KLHL22: variants seen among roughly 807,000 people sequenced by gnomAD.
KLHL22 encodes the protein kelch-like protein 22.
KLHL22 carries 18 observed loss-of-function variants against 60.7 expected under a neutral mutation model. The observed-to-expected ratio is 0.30, with a 90% CI of 0.20 to 0.44. KLHL22 has a LOEUF of 0.44. KLHL22 is among the 20% of genes least tolerant of loss of function. The pLI is 1.00. For missense variants in KLHL22, 596 were observed against 852.3 expected (o/e 0.70, Z 3.74); for synonymous variants, 355 against 354.5 (o/e 1.00, Z -0.01).
chr22:20,486,390 C>A (rs2053587543), intron 2 of KLHL22, among the ~76,000 whole-genome samples: 1 of 152,020 alleles, frequency 6.6e-6, no homozygotes, highest in South Asian at 2.1e-4. Context: ...GCAAGTAGCT[C>A]CATTGGATAA....
chr22:20,454,835 CT>C (rs2053037498), intron 5 of KLHL22, among the ~76,000 whole-genome samples: 1 of 152,104 alleles, frequency 6.6e-6, no homozygotes, highest in East Asian at 1.9e-4. Context: ...CTTTCATCGG[CT>C]TTTTGTAATA....
Position 20,492,925 on chromosome 22 carries a change from C to A in KLHL22, c.-34+2835G>T, listed in dbSNP as rs9623861. Among the ~76,000 whole-genome samples, 562 of 152,272 alleles carry A rather than the reference C, an allele frequency of 3.7e-3. 5 individuals carry two copies. Among genetic ancestry groups the A allele is most frequent in the African/African-American group, 0.013 (543 of 41,552 alleles). On this transcript the variant is annotated intron_variant, in intron 1 of 6. Transcript: ENST00000328879. Reference sequence around the variant, plus strand: ...CCTATTTACCCACGACAAGGAGATTCCGGCTTCTTGAGGGGTGAGGTTTTA... The same window carrying A: ...CCTATTTACCCACGACAAGGAGATTACGGCTTCTTGAGGGGTGAGGTTTTA...
intron 5 of KLHL22, among the ~76,000 whole-genome samples, chr22:20,448,552 C>A (rs78697434): frequency 2.0e-5 from 3 of 152,140 alleles, no homozygotes; most frequent in Admixed American, 6.5e-5. Context: ...TATTAACATT[C>A]ATGTACAGAT....
chr22:20,477,973 G>A (rs1441942122), intron 2 of KLHL22, among the ~76,000 whole-genome samples: 1 of 152,086 alleles, frequency 6.6e-6, no homozygotes, highest in Non-Finnish European at 1.5e-5. Flanking sequence ...AGTTGTTAGA[G>A]ATAAATTGTC....
chr22:20,442,037 C>T lies in KLHL22; in HGVS notation c.*36G>A. 2 of 1,490,238 alleles carry T rather than the reference C, an allele frequency of 1.3e-6. No individual in the cohort carries two copies. The highest frequency in any genetic ancestry group is 2.4e-5 in the East Asian group (1 of 41,670). 92.3% of individuals were successfully genotyped at this position (1,490,238 alleles called of 1,614,324 possible). A position where few individuals can be genotyped will look rare whatever the true frequency, so the allele number is the denominator to read the frequency against. ...CGTGGGTTTCACTGCCCTGCAGCCC[C>T]AGCCTCCCTTCCCTCTGATGCCAGG... On this transcript the variant is annotated 3_prime_UTR_variant, in exon 7 of 7. Coordinates refer to ENST00000328879, the MANE Select transcript of KLHL22 (RefSeq NM_032775.4).
chr22:20,478,985 T>C (rs2053456947), intron 2 of KLHL22, among the ~76,000 whole-genome samples: 2 of 151,584 alleles, frequency 1.3e-5, no homozygotes, highest in South Asian at 4.2e-4. Context: ...AAAAATTAGC[T>C]GGGTGTGGTG....
chr22:20,472,005 G>A (rs2053334235), intron 2 of KLHL22, among the ~76,000 whole-genome samples: 1 of 152,244 alleles, frequency 6.6e-6, no homozygotes, highest in Non-Finnish European at 1.5e-5. Flanking sequence ...CCAGCACTTT[G>A]GGAGGCCAAG....
chr22:20,446,231 C>T (rs558907622), intron 6 of KLHL22, among the ~76,000 whole-genome samples: 21 of 152,142 alleles, frequency 1.4e-4, no homozygotes, highest in South Asian at 6.2e-4. Context: ...CCCTCTGGAG[C>T]GAGAGGTCTG....
chr22:20,494,859 G>C (rs574484059), intron 1 of KLHL22, among the ~76,000 whole-genome samples: 2 of 152,214 alleles, frequency 1.3e-5, no homozygotes, highest in Non-Finnish European at 2.9e-5. Flanking sequence ...GGAACTTTCA[G>C]TTCGGTACGA....
intron 5 of KLHL22, among the ~76,000 whole-genome samples, chr22:20,454,083 T>C (rs1255749015): frequency 6.6e-6 from 1 of 152,200 alleles, no homozygotes; most frequent in Non-Finnish European, 1.5e-5. Flanking sequence ...CTCTAATCCC[T>C]GCACTTTGGC....
chr22:20,462,002 G>A (rs537606755), intron 4 of KLHL22, among the ~76,000 whole-genome samples: 2 of 152,282 alleles, frequency 1.3e-5, no homozygotes, highest in East Asian at 1.9e-4. Context: ...GGAGGCTGAG[G>A]CAGGAGAATT....
chr22:20,448,705 C>A (rs1371041402), intron 5 of KLHL22, among the ~76,000 whole-genome samples: 1 of 151,954 alleles, frequency 6.6e-6, no homozygotes, highest in African/African-American at 2.4e-5. Flanking sequence ...GCTGGGATTA[C>A]AGGCACGCAT....
Position 20,473,370 on chromosome 22 carries a change from C to T in KLHL22, c.228-1855G>A, listed in dbSNP as rs192637200. The stretch of plus-strand genomic sequence containing the variant: ...CTTTACTGATGGAAGAAAATCTGGA[C>T]AGCTGGGAGTCCCGTGATTGTGTGA... On this transcript the variant is annotated intron_variant, in intron 2 of 6. Coordinates refer to ENST00000328879, the MANE Select transcript of KLHL22 (RefSeq NM_032775.4). Among the ~76,000 whole-genome samples, 11 of 152,266 alleles carry T rather than the reference C, an allele frequency of 7.2e-5. No individual in the cohort carries two copies. The East Asian group carries it at 2.1e-3, about 29-fold the overall frequency.
intron 3 of KLHL22, among the ~76,000 whole-genome samples, chr22:20,469,477 A>G (rs1395950277): frequency 6.6e-6 from 1 of 152,196 alleles, no homozygotes; most frequent in African/African-American, 2.4e-5. Flanking sequence ...ATCAGGAGTT[A>G]ACTGCTGCCA....
intron 2 of KLHL22, among the ~76,000 whole-genome samples, chr22:20,482,536 G>C (rs1417742344): frequency 3.9e-5 from 6 of 151,934 alleles, no homozygotes. Flanking sequence ...GAGACTACAG[G>C]CATGCCTGGC....
intron 2 of KLHL22, among the ~76,000 whole-genome samples, chr22:20,481,635 C>T (rs1038745850): frequency 2.6e-5 from 4 of 152,078 alleles, no homozygotes; most frequent in East Asian, 1.9e-4. Context: ...TGCTCTGTCG[C>T]GCAAGCTGGA....
At chr22:20,468,953 GC>G (rs2053273653) in intron 3 of KLHL22, among the ~76,000 whole-genome samples, 1 of 152,144 alleles carries the variant, frequency 6.6e-6, no homozygotes, top group Non-Finnish European at 1.5e-5. Flanking sequence ...TCCAAGCCTG[GC>G]CCAGAAGCCT....
Position 20,487,775 on chromosome 22 carries a change from C to T in KLHL22, c.227+1210G>A, listed in dbSNP as rs73879388. 5.7e-3 allele frequency among the ~76,000 whole-genome samples: 863 copies of T among 152,252 alleles called. 8 individuals carry two copies. The highest frequency in any genetic ancestry group is 0.019 in the African/African-American group (807 of 41,524). On this transcript the variant is annotated intron_variant, in intron 2 of 6. Coordinates refer to ENST00000328879, the MANE Select transcript of KLHL22 (RefSeq NM_032775.4). ...CCACATAAGGTTTTTGACAGATTAG[C>T]GAAAGGCTGCCTACACTGTCATCTT...
chr22:20,444,146 G>A (rs915611506), intron 6 of KLHL22, among the ~76,000 whole-genome samples: 8 of 151,660 alleles, frequency 5.3e-5, no homozygotes, highest in African/African-American at 1.9e-4. Context: ...CTTTGAAGAC[G>A]AAGTGTCCCC....
Sources: allele counts gnomAD v4.1 joint callset (sites outside exome capture counted in the v4.1 genomes callset), GRCh38; gene constraint gnomAD v4.1.1; transcripts MANE v1.5; gene names NCBI Gene and HGNC (gene_info 2026-07-23, HGNC 2026-07-21).